The following VPS45 variants were observed in gnomAD, a reference collection of about 807,000 sequenced individuals.
VPS45 encodes vacuolar protein sorting 45 homolog.
A neutral mutation model predicts 75.9 loss-of-function variants in VPS45; 35 were observed. The observed-to-expected ratio is 0.46, with a 90% CI of 0.35 to 0.61. The LOEUF is 0.61. Among genes scored for constraint, VPS45 ranks in the 20% least tolerant of loss-of-function variants. The pLI, the probability that VPS45 is intolerant of heterozygous loss-of-function variation, is 0.00. For missense variants in VPS45, 559 were observed against 685.9 expected, an observed-to-expected ratio of 0.81 and a Z score of 2.07; for synonymous variants, 220 against 238.2, an observed-to-expected ratio of 0.92 and a Z score of 0.70.
chr1:150,144,926 C>T lies in VPS45; in HGVS notation c.*130C>T. On this transcript the variant is annotated 3_prime_UTR_variant, in exon 15 of 15. Coordinates refer to ENST00000644510, the MANE Select transcript of VPS45 (RefSeq NM_007259.5). ...TTAGAACTCATCTCCAGGTAGCCCA[C>T]GGATACGTGGTTGGCACAGACACAA... is the stretch of plus-strand genomic sequence containing the variant. The T allele has an allele frequency of 1.3e-6, 2 of 1,546,344 alleles. No individual in the cohort carries two copies. Among genetic ancestry groups the T allele is most frequent in the Non-Finnish European group, 8.7e-7 (1 of 1,150,358 alleles).
chr1:150,072,680 C>T (rs949810951), intron 3 of VPS45, among the ~76,000 whole-genome samples: 24 of 115,556 alleles, frequency 2.1e-4, no homozygotes, highest in Non-Finnish European at 4.2e-4. Context: ...ATACTTTTGA[C>T]CAATATTCTG....
intron 14 of VPS45, among the ~76,000 whole-genome samples, chr1:150,116,563 C>G (rs1402830479): frequency 6.6e-6 from 1 of 152,144 alleles, no homozygotes; most frequent in Non-Finnish European, 1.5e-5. Context: ...ATGCTTTTAA[C>G]CACTATGCAT....
At chr1:150,088,761 G>A (rs1297666713) in intron 10 of VPS45, among the ~76,000 whole-genome samples, 1 of 152,004 alleles carries the variant, frequency 6.6e-6, no homozygotes, top group Non-Finnish European at 1.5e-5. Flanking sequence ...TTATAGACCT[G>A]AGCCACCGTG....
intron 10 of VPS45, among the ~76,000 whole-genome samples, chr1:150,088,795 T>G (rs1656167046): frequency 6.6e-6 from 1 of 152,110 alleles, no homozygotes; most frequent in Non-Finnish European, 1.5e-5. Flanking sequence ...CTGCTTTTCT[T>G]GGTCCATTCA....
Position 150,092,012 on chromosome 1 carries a change from C to T in VPS45, c.1180C>T (p.His394Tyr). The change falls in exon 11 of 15, where the codon CAT becomes TAT. Residue 394 changes from histidine (H) to tyrosine (Y), a missense_variant. Transcript: ENST00000644510. ...CCGCCTGGTGATGCTTTATGCTTTACATTATGAGCGACACAGCAGCAATAG... is the reference window on the plus strand; with the variant it reads ...CCGCCTGGTGATGCTTTATGCTTTATATTATGAGCGACACAGCAGCAATAG... ...AARLVMLYAL[H>Y]YERHSSNSLP... 2 of 1,614,088 alleles carry T rather than the reference C, an allele frequency of 1.2e-6. No homozygotes were observed. The highest frequency in any genetic ancestry group is 1.7e-6 in the Non-Finnish European group (2 of 1,180,014).
intron 14 of VPS45, among the ~76,000 whole-genome samples, chr1:150,137,451 T>C (rs1255456422): frequency 1.3e-5 from 2 of 152,206 alleles, no homozygotes; most frequent in Non-Finnish European, 2.9e-5. Context: ...GAAAACCCGC[T>C]CACTGCCTTC....
At chr1:150,090,934 C>T (rs587762573) in intron 10 of VPS45, among the ~76,000 whole-genome samples, 17 of 152,312 alleles carry the variant, frequency 1.1e-4, no homozygotes, top group Non-Finnish European at 1.8e-4. Context: ...AAACCAGATA[C>T]TTCTTGCAGA....
Position 150,110,197 on chromosome 1 carries a change from A to G in VPS45, c.1494-299A>G, listed in dbSNP as rs1571878893. On this transcript the variant is annotated intron_variant, in intron 13 of 14. Coordinates refer to ENST00000644510, the MANE Select transcript of VPS45 (RefSeq NM_007259.5). Reference sequence around the variant, plus strand: ...AGGCACTCTGCACCCTCTTGAATATAAAAGAATATTTCTACATTTGGTTCC... The same window carrying G: ...AGGCACTCTGCACCCTCTTGAATATGAAAGAATATTTCTACATTTGGTTCC... 1.1e-5 allele frequency: 3 copies of G among 262,924 alleles called. No individual in the cohort carries two copies. The South Asian group carries it at 2.0e-4, about 18-fold the overall frequency. The allele number at this position is 262,924 out of a possible 1,614,324, so 16.3% of individuals were successfully genotyped here.
chr1:150,103,085 G>T (rs1553804928), intron 13 of VPS45, among the ~76,000 whole-genome samples: 7 of 151,208 alleles, frequency 4.6e-5, no homozygotes, highest in African/African-American at 1.7e-4. Context: ...AACAAAATAA[G>T]ATATTATCCT....
chr1:150,141,634 A>C (rs181266882), intron 14 of VPS45, among the ~76,000 whole-genome samples: 107 of 152,266 alleles, frequency 7.0e-4, no homozygotes, highest in African/African-American at 2.5e-3. Context: ...CCTTCCTTCT[A>C]TACATGGAGT....
chr1:150,132,882 T>C (rs868919504), intron 14 of VPS45, among the ~76,000 whole-genome samples: 1 of 152,360 alleles, frequency 6.6e-6, no homozygotes, highest in Middle Eastern at 3.4e-3. Flanking sequence ...AGATGATTAA[T>C]ATTTGTAAAA....
At chr1:150,127,843 A>C (rs1355387956) in intron 14 of VPS45, among the ~76,000 whole-genome samples, 2 of 152,214 alleles carry the variant, frequency 1.3e-5, no homozygotes, top group Non-Finnish European at 2.9e-5. Context: ...GTTTTTATCA[A>C]ATGGATAATA....
chr1:150,107,430 T>C (rs1037719197), intron 13 of VPS45, among the ~76,000 whole-genome samples: 1 of 152,188 alleles, frequency 6.6e-6, no homozygotes, highest in East Asian at 1.9e-4. Flanking sequence ...CTGAAGAATA[T>C]GTATTTTTTT....
intron 13 of VPS45, among the ~76,000 whole-genome samples, chr1:150,095,473 C>T (rs587742503): frequency 7.2e-5 from 11 of 152,094 alleles, no homozygotes; most frequent in East Asian, 5.8e-4. Context: ...ATTAGCCTGG[C>T]GTGGGTAGCA....
rs1553815864 is a variant in VPS45, at chr1:150,143,587, C to CAAA, written c.1626-1111_1626-1109dup. 3.5e-5 allele frequency among the ~76,000 whole-genome samples: 5 copies of CAAA among 144,004 alleles called. 1 individual carries two copies. Among genetic ancestry groups the CAAA allele is most frequent in the Admixed American group, 6.9e-5 (1 of 14,412 alleles). The allele number at this position is 144,004 out of a possible 152,430, so 94.5% of individuals were successfully genotyped here. A position where few individuals can be genotyped will look rare whatever the true frequency, so the allele number is the denominator to read the frequency against. ...TGGGCAACAGAGCAAGACTCCGTCT[C>CAAA]AAAAAAAAAAAAAGAAGATTTCAGC... On this transcript the variant is annotated intron_variant, in intron 14 of 14. Transcript: ENST00000644510.
At chr1:150,082,935 G>A (rs1553799823) in intron 10 of VPS45, 52 bp downstream of exon 10, 5 of 1,505,564 alleles carry the variant, frequency 3.3e-6, no homozygotes, top group African/African-American at 1.4e-5. Flanking sequence ...GTGCCAGGCA[G>A]AGCAAGAGAT....
At chr1:150,136,247 T>TAAA (rs1553813658) in intron 14 of VPS45, among the ~76,000 whole-genome samples, 2 of 123,946 alleles carry the variant, frequency 1.6e-5, no homozygotes, top group Admixed American at 8.1e-5. Context: ...AGACTCTGTC[T>TAAA]ACAAAAAAAA....
intron 7 of VPS45, 140 bp from the exon 8 acceptor site, chr1:150,081,202 G>A (rs906884135): frequency 5.4e-5 from 44 of 820,158 alleles, no homozygotes; most frequent in Admixed American, 1.1e-4. Flanking sequence ...ATAGCACAAA[G>A]TATGAATAAA....
chr1:150,073,120 T>G (rs1655172810), intron 3 of VPS45, among the ~76,000 whole-genome samples: 1 of 152,206 alleles, frequency 6.6e-6, no homozygotes, highest in African/African-American at 2.4e-5. Context: ...TGGATTTTTT[T>G]GATCCAATAC....
Sources: gnomAD v4.1 joint callset for allele counts (sites outside exome capture counted in the v4.1 genomes callset) on GRCh38, gnomAD v4.1.1 for gene constraint, MANE v1.5 for transcripts, NCBI Gene and HGNC (gene_info 2026-07-23, HGNC 2026-07-21) for gene names.